Variants in MAGI2 observed in about 807,000 individuals in gnomAD.
MAGI2 encodes the protein membrane associated guanylate kinase, WW and PDZ domain containing 2.
In MAGI2, 35 loss-of-function variants were observed where a neutral mutation model predicts 133.3. The ratio of observed to expected loss-of-function variants is 0.26; its 90% confidence interval spans 0.20 to 0.35. The LOEUF (loss-of-function observed/expected upper bound fraction) is 0.35, where lower values mean the gene tolerates loss of function less well. Among genes scored for constraint, MAGI2 ranks in the 10% least tolerant of loss-of-function variants. MAGI2 has a pLI of 1.00. For missense variants in MAGI2, 1,636 were observed against 1,863.4 expected, an observed-to-expected ratio of 0.88 and a Z score of 2.25; for synonymous variants, 729 against 710.6, an observed-to-expected ratio of 1.03 and a Z score of -0.41.
chr7:78,547,594 G>A (rs1458136404), intron 3 of MAGI2, among the ~76,000 whole-genome samples: 2 of 152,232 alleles, frequency 1.3e-5, no homozygotes, highest in Admixed American at 1.3e-4. Flanking sequence ...TATCCCACAA[G>A]CTCAGGGTGT....
At chr7:79,167,383 C>T (rs1228214629) in intron 1 of MAGI2, among the ~76,000 whole-genome samples, 1 of 127,760 alleles carries the variant, frequency 7.8e-6, no homozygotes, top group Non-Finnish European at 1.7e-5. Flanking sequence ...TAAACTAACA[C>T]CCCCCAAAAA....
At chr7:79,407,576 A>T (rs1845890372) in intron 1 of MAGI2, among the ~76,000 whole-genome samples, 1 of 152,116 alleles carries the variant, frequency 6.6e-6, no homozygotes, top group Non-Finnish European at 1.5e-5. Flanking sequence ...CAGCTTTCTT[A>T]TCTGTGTAAG....
intron 16 of MAGI2, among the ~76,000 whole-genome samples, chr7:78,152,128 T>C (rs1318912277): frequency 2.0e-5 from 3 of 152,152 alleles, no homozygotes; most frequent in South Asian, 2.1e-4. Flanking sequence ...CAGTAAGCAA[T>C]AGGCGATGTT....
intron 6 of MAGI2, chr7:78,456,810 G>A (rs1452114559): frequency 6.6e-6 from 1 of 152,102 alleles, no homozygotes; most frequent in African/African-American, 2.4e-5. Context: ...GGAAAAGGGA[G>A]TCTAGTGGAG....
At chr7:78,762,307 G>A (rs751540368) in intron 2 of MAGI2, among the ~76,000 whole-genome samples, 2 of 151,954 alleles carry the variant, frequency 1.3e-5, no homozygotes, top group Admixed American at 6.6e-5. Context: ...GCCGGGCGTG[G>A]TGGTGCACAC....
intron 2 of MAGI2, among the ~76,000 whole-genome samples, chr7:78,961,466 C>T (rs535623222): frequency 1.3e-5 from 2 of 152,190 alleles, no homozygotes; most frequent in East Asian, 1.9e-4. Context: ...CTAAACTAAT[C>T]GCTGTAATCA....
chr7:78,955,728 T>TCTTTCTTTCTTCCTTC (rs1416789088), intron 2 of MAGI2, among the ~76,000 whole-genome samples: 6 of 28,428 alleles, frequency 2.1e-4, no homozygotes, highest in African/African-American at 5.9e-4. Context: ...TCTTTCTCTT[T>TCTTTCTTTCTTCCTTC]CTTTCTTTCT....
intron 1 of MAGI2, among the ~76,000 whole-genome samples, chr7:79,077,184 T>C (rs978993343): frequency 6.6e-6 from 1 of 152,180 alleles, no homozygotes; most frequent in Non-Finnish European, 1.5e-5. Flanking sequence ...ATTTTTGTAC[T>C]GTGGTTCCTA....
At chr7:79,446,584 T>C (rs932232023) in intron 1 of MAGI2, among the ~76,000 whole-genome samples, 25 of 152,270 alleles carry the variant, frequency 1.6e-4, no homozygotes, top group African/African-American at 6.0e-4. Context: ...GCCATCTAAT[T>C]ATTTCAAATA....
intron 6 of MAGI2, among the ~76,000 whole-genome samples, chr7:78,395,111 T>G (rs1254690970): frequency 6.6e-6 from 1 of 152,210 alleles, no homozygotes; most frequent in Non-Finnish European, 1.5e-5. Context: ...AGAGTCAAAC[T>G]TCAGAAAGCT....
chr7:79,017,926 T>C (rs1420611726), intron 1 of MAGI2, among the ~76,000 whole-genome samples: 1 of 152,112 alleles, frequency 6.6e-6, no homozygotes, highest in Admixed American at 6.5e-5. Flanking sequence ...CTGAGAAAGA[T>C]GGGATTCTGG....
At chr7:79,141,939 T>C (rs971431435) in intron 1 of MAGI2, among the ~76,000 whole-genome samples, 1 of 152,196 alleles carries the variant, frequency 6.6e-6, no homozygotes. Flanking sequence ...TAGACTAATA[T>C]TAGTCTTTTT....
chr7:78,379,376 C>T (rs1379757190), intron 6 of MAGI2, among the ~76,000 whole-genome samples: 2 of 151,788 alleles, frequency 1.3e-5, no homozygotes, highest in Non-Finnish European at 2.9e-5. Context: ...CAAAGATAGG[C>T]CTGACAAGAA....
intron 2 of MAGI2, among the ~76,000 whole-genome samples, chr7:78,844,470 C>G (rs529337954): frequency 2.0e-5 from 3 of 151,778 alleles, no homozygotes; most frequent in Admixed American, 1.3e-4. Flanking sequence ...TATTATTTAA[C>G]TATAAAAGAG....
At chr7:78,113,960 G>T (rs946879489) in intron 20 of MAGI2, among the ~76,000 whole-genome samples, 1 of 152,140 alleles carries the variant, frequency 6.6e-6, no homozygotes, top group East Asian at 1.9e-4. Flanking sequence ...TCCACTAATT[G>T]CTAGAGTTGA....
chr7:78,413,174 T>TA (rs1296909044), intron 6 of MAGI2, among the ~76,000 whole-genome samples: 3 of 152,112 alleles, frequency 2.0e-5, no homozygotes, highest in African/African-American at 7.2e-5. Context: ...GATAGTCTTT[T>TA]AAGGTTCTTC....
intron 9 of MAGI2, among the ~76,000 whole-genome samples, chr7:78,306,974 A>G (rs1798289695): frequency 6.6e-6 from 1 of 152,180 alleles, no homozygotes; most frequent in Non-Finnish European, 1.5e-5. Flanking sequence ...ATGTTAAACC[A>G]TCATTGCCAT....
chr7:78,657,677 G>C (rs570912303), intron 2 of MAGI2, among the ~76,000 whole-genome samples: 26 of 152,222 alleles, frequency 1.7e-4, no homozygotes, highest in African/African-American at 6.3e-4. Flanking sequence ...TAAATAGGCA[G>C]AGCATATGTG....
intron 3 of MAGI2, chr7:78,615,915 G>A (rs989459618): frequency 1.3e-5 from 2 of 152,174 alleles, no homozygotes; most frequent in East Asian, 1.9e-4. Flanking sequence ...ATAATTTAAA[G>A]TCACTCTAAC....
Sources: allele counts gnomAD v4.1 joint callset (sites outside exome capture counted in the v4.1 genomes callset), GRCh38; gene constraint gnomAD v4.1.1; transcripts MANE v1.5; gene names NCBI Gene and HGNC (gene_info 2026-07-23, HGNC 2026-07-21).